The following TENM2 variants were observed in gnomAD, a reference collection of about 807,000 sequenced individuals.
TENM2 encodes the protein teneurin transmembrane protein 2.
TENM2 carries 52 observed loss-of-function variants against 245.2 expected under a neutral mutation model. The observed-to-expected ratio is 0.21, with a 90% CI of 0.17 to 0.27. The LOEUF is 0.27. Ranked by LOEUF, TENM2 falls within the 10% of genes least tolerant of loss-of-function variation. The pLI, the probability that TENM2 is intolerant of heterozygous loss-of-function variation, is 1.00. For missense variants in TENM2, 3,046 were observed against 3,666.8 expected, an observed-to-expected ratio of 0.83 and a Z score of 4.37; for synonymous variants, 1,363 against 1,438.9, an observed-to-expected ratio of 0.95 and a Z score of 1.19.
At chr5:167,308,232 T>C (rs746342756) in intron 1 of TENM2, among the ~76,000 whole-genome samples, 1 of 152,130 alleles carries the variant, frequency 6.6e-6, no homozygotes, top group Non-Finnish European at 1.5e-5. Flanking sequence ...TGAAGCAGGA[T>C]GACCTAACTT....
rs193061946 is a variant in TENM2 at position 167,744,853 on chromosome 5, C to T, written c.503-131133C>T. ...ACAAAACAAAACAAAACAAAAAAAC[C>T]GTGATGGGTTTAGTATCCTCCTAGG... On this transcript the variant is annotated intron_variant, in intron 2 of 28. Coordinates refer to ENST00000518659, the Ensembl canonical transcript of TENM2. Among the ~76,000 whole-genome samples the T allele has an allele frequency of 3.5e-3, 523 of 149,906 alleles. 5 individuals carry two copies. The highest frequency in any genetic ancestry group is 2.4e-3 in the Non-Finnish European group (166 of 67,828).
intron 2 of TENM2, among the ~76,000 whole-genome samples, chr5:167,848,197 G>A (rs932267052): frequency 1.1e-4 from 16 of 152,122 alleles, no homozygotes; most frequent in African/African-American, 3.6e-4. Flanking sequence ...TGAGTGGATC[G>A]TGAGAACTGA....
chr5:167,443,062 G>A (rs1764958714), intron 2 of TENM2, among the ~76,000 whole-genome samples: 1 of 152,190 alleles, frequency 6.6e-6, no homozygotes, highest in Admixed American at 6.5e-5. Flanking sequence ...AGGTCACACT[G>A]ATTGATGGGC....
chr5:167,174,933 G>A, the TENM2 span, among the ~76,000 whole-genome samples: 1 of 147,152 alleles, frequency 6.8e-6, no homozygotes, highest in Non-Finnish European at 1.5e-5. Context: ...TTTTCTTTCT[G>A]TGTCTGGCTA....
chr5:167,446,942 T>C (rs1765260088), intron 2 of TENM2, among the ~76,000 whole-genome samples: 2 of 152,186 alleles, frequency 1.3e-5, no homozygotes, highest in African/African-American at 4.8e-5. Flanking sequence ...TTAGAATATT[T>C]GTATAATACC....
chr5:167,916,695 TC>T (rs1393078999), intron 3 of TENM2, among the ~76,000 whole-genome samples: 1 of 152,086 alleles, frequency 6.6e-6, no homozygotes, highest in East Asian at 1.9e-4. Flanking sequence ...AGAGCTCGGA[TC>T]TTCCTGAGAG....
At chr5:167,609,961 T>G (rs1278377904) in intron 2 of TENM2, among the ~76,000 whole-genome samples, 1 of 152,096 alleles carries the variant, frequency 6.6e-6, no homozygotes, top group East Asian at 1.9e-4. Flanking sequence ...CCCACAAGAC[T>G]GTCCCCACTT....
chr5:167,289,207 C>T (rs1353741742), intron 1 of TENM2, among the ~76,000 whole-genome samples: 1 of 152,176 alleles, frequency 6.6e-6, no homozygotes, highest in African/African-American at 2.4e-5. Flanking sequence ...TTATGGTCAT[C>T]ACCTTTTTGC....
chr5:167,031,213 T>A, the TENM2 span, among the ~76,000 whole-genome samples: 2 of 152,222 alleles, frequency 1.3e-5, no homozygotes, highest in Non-Finnish European at 2.9e-5. Context: ...GATTGAGAAA[T>A]CCACTTCATG....
chr5:167,109,606 C>T, the TENM2 span, among the ~76,000 whole-genome samples: 1 of 151,984 alleles, frequency 6.6e-6, no homozygotes, highest in Non-Finnish European at 1.5e-5. Context: ...GTGCTATAAA[C>T]CCTTTAATAC....
rs1374181730 is a variant in TENM2 at position 167,446,788 on chromosome 5, A to AACGCGC, written c.502+71317_502+71318insGCGCAC. On this transcript the variant is annotated intron_variant, in intron 2 of 28. Transcript: ENST00000518659. ...TTACTCACCCCATCTCAGTTTTTGA[A>AACGCGC]ACACGCACACACACACACACACACA... Among the ~76,000 whole-genome samples the AACGCGC allele has an allele frequency of 3.0e-3, 279 of 92,340 alleles. 2 individuals carry two copies. Among genetic ancestry groups the AACGCGC allele is most frequent in the Middle Eastern group, 0.023 (4 of 172 alleles). 60.6% of individuals were successfully genotyped at this position (92,340 alleles called of 152,430 possible). A position where few individuals can be genotyped will look rare whatever the true frequency, so the allele number is the denominator to read the frequency against.
chr5:167,723,541 C>T (rs985627657), intron 2 of TENM2, among the ~76,000 whole-genome samples: 1 of 152,226 alleles, frequency 6.6e-6, no homozygotes, highest in African/African-American at 2.4e-5. Context: ...GCTCTTATAT[C>T]TAGCAGGAAG....
the TENM2 span, among the ~76,000 whole-genome samples, chr5:167,089,989 T>A: frequency 1.2e-4 from 18 of 152,156 alleles, no homozygotes; most frequent in Admixed American, 7.2e-4. Context: ...TGTAGAGGAT[T>A]GACAGAAGAT....
the TENM2 span, among the ~76,000 whole-genome samples, chr5:167,236,713 T>A: frequency 6.6e-6 from 1 of 152,180 alleles, no homozygotes; most frequent in Non-Finnish European, 1.5e-5. Context: ...TACCTAGATC[T>A]AGGCAAGCAA....
chr5:168,235,952 G>A (rs1460848888), intron 25 of TENM2, among the ~76,000 whole-genome samples: 1 of 152,184 alleles, frequency 6.6e-6, no homozygotes, highest in South Asian at 2.1e-4. Flanking sequence ...GAATTTCCCA[G>A]GCATGGAGTT....
At chr5:167,470,197 G>A (rs1460555673) in intron 2 of TENM2, among the ~76,000 whole-genome samples, 2 of 151,994 alleles carry the variant, frequency 1.3e-5, no homozygotes, top group Non-Finnish European at 2.9e-5. Context: ...TAATAAGCCA[G>A]TAATAGAAGG....
intron 2 of TENM2, among the ~76,000 whole-genome samples, chr5:167,523,347 G>A (rs1770890683): frequency 6.6e-6 from 1 of 152,182 alleles, no homozygotes; most frequent in South Asian, 2.1e-4. Context: ...TCTGTGGGCA[G>A]CACCATGCAG....
At chr5:167,306,616 G>C (rs1755694406) in intron 1 of TENM2, 1 of 152,088 alleles carries the variant, frequency 6.6e-6, no homozygotes, top group Non-Finnish European at 1.5e-5. Context: ...TGCCAGCTAA[G>C]CCAAGTGATA....
intron 5 of TENM2, among the ~76,000 whole-genome samples, chr5:168,046,581 A>T (rs1158718029): frequency 6.6e-6 from 1 of 152,150 alleles, no homozygotes; most frequent in Non-Finnish European, 1.5e-5. Context: ...CACAGGCAGG[A>T]TGACAAGGAA....
Sources: allele counts gnomAD v4.1 joint callset (sites outside exome capture counted in the v4.1 genomes callset), GRCh38; gene constraint gnomAD v4.1.1; transcripts MANE v1.5; gene names NCBI Gene and HGNC (gene_info 2026-07-23, HGNC 2026-07-21).